Variants in MYO5B observed in about 807,000 individuals in gnomAD.
MYO5B encodes myosin VB, also known as unconventional myosin-Vb.
A neutral mutation model predicts 229.3 loss-of-function variants in MYO5B; 143 were observed. That is an observed-to-expected ratio of 0.62 (90% CI 0.54 to 0.72). The LOEUF (loss-of-function observed/expected upper bound fraction) is 0.72, where lower values mean the gene tolerates loss of function less well. MYO5B is among the 30% of genes least tolerant of loss of function. MYO5B has a pLI of 0.00. For synonymous variants in MYO5B, 918 were observed against 885.2 expected, an observed-to-expected ratio of 1.04 and a Z score of -0.66; for missense variants, 2,321 against 2,331.0, an observed-to-expected ratio of 1.00 and a Z score of 0.09.
intron 4 of MYO5B, among the ~76,000 whole-genome samples, chr18:50,035,001 A>G (rs557479688): frequency 1.2e-4 from 19 of 152,310 alleles, no homozygotes; most frequent in Admixed American, 1.3e-4. Flanking sequence ...GCAAGACAGT[A>G]TCACACCCAT....
chr18:50,007,783 T>G (rs1190987504), intron 4 of MYO5B, among the ~76,000 whole-genome samples: 1 of 152,184 alleles, frequency 6.6e-6, no homozygotes, highest in Non-Finnish European at 1.5e-5. Context: ...TGCTGTTTAA[T>G]GTAATTAACT....
intron 1 of MYO5B, among the ~76,000 whole-genome samples, chr18:50,185,289 TAA>T (rs202116346): frequency 2.2e-5 from 3 of 139,076 alleles, no homozygotes; most frequent in African/African-American, 5.3e-5. Flanking sequence ...AATAAGAATT[TAA>T]AAAAAAAAAA....
In MYO5B at chr18:49,837,561, G is replaced by A. The variant is rs77840018; in HGVS notation, c.5094C>T (p.Leu1698=). 1.5e-5 allele frequency: 23 copies of A among 1,506,660 alleles called. No individual in the cohort carries two copies. Among genetic ancestry groups the A allele is most frequent in the Admixed American group, 1.1e-4 (6 of 56,174 alleles). 93.3% of individuals were successfully genotyped at this position (1,506,660 alleles called of 1,614,324 possible). The change falls in exon 37 of 40, where the codon CTC becomes CTT. Residue 1698 remains leucine (L), a synonymous_variant. Coordinates refer to ENST00000285039, the MANE Select transcript of MYO5B (RefSeq NM_001080467.3). ...MINAVTLNNL[L]LRKDVCSWST... is the part of the protein sequence containing the mutation. ...TCCAAGAGCAGACGTCCTTCCGCAA[G>A]AGCAGGTTGTTAAGAGTCACTGCGT...
intron 1 of MYO5B, among the ~76,000 whole-genome samples, chr18:50,188,945 ATGGTGAAGCAGGATCCAC>A (rs1156578181): frequency 6.6e-6 from 1 of 152,212 alleles, no homozygotes; most frequent in Non-Finnish European, 1.5e-5. Flanking sequence ...GATCGCCAAC[ATGGTGAAGCAGGATCCAC>A]TGGGCTTATA....
At chr18:50,024,675 G>T (rs2026311878) in intron 4 of MYO5B, among the ~76,000 whole-genome samples, 1 of 152,276 alleles carries the variant, frequency 6.6e-6, no homozygotes, top group East Asian at 1.9e-4. Flanking sequence ...AAAGGCATTT[G>T]CTTTTAAGCC....
At chr18:49,877,539 G>C (rs912998336) in intron 25 of MYO5B, among the ~76,000 whole-genome samples, 3 of 152,030 alleles carry the variant, frequency 2.0e-5, no homozygotes, top group South Asian at 2.1e-4. Flanking sequence ...TTCTGGATAG[G>C]GTGTAAGGTG....
intron 33 of MYO5B, among the ~76,000 whole-genome samples, chr18:49,843,887 G>T (rs2024093530): frequency 2.0e-5 from 3 of 152,230 alleles, no homozygotes. Flanking sequence ...GCCTGCTGAG[G>T]GCTAGGGAGG....
intron 2 of MYO5B, among the ~76,000 whole-genome samples, chr18:50,043,641 ATATT>A (rs957386892): frequency 4.4e-5 from 6 of 136,892 alleles, no homozygotes; most frequent in African/African-American, 1.3e-4. Context: ...TATATTAAAT[ATATT>A]TATAAATATG....
intron 4 of MYO5B, among the ~76,000 whole-genome samples, chr18:50,006,597 C>T (rs761287387): frequency 1.1e-4 from 17 of 152,230 alleles, no homozygotes; most frequent in Non-Finnish European, 2.5e-4. Flanking sequence ...CACTGGCCCC[C>T]CCTTCTGTGA....
chr18:49,936,459 T>C, intron 15 of MYO5B, 110 bp from the exon 16 acceptor site: 2 of 841,184 alleles, frequency 2.4e-6, no homozygotes, highest in South Asian at 2.9e-5. Context: ...ATATTATTAA[T>C]CCAGAAGGAT....
In MYO5B at chr18:49,996,179, T is replaced by C. The variant is rs192427142; in HGVS notation, c.613-3748A>G. Among the ~76,000 whole-genome samples, 31 of 152,344 alleles carry C rather than the reference T, an allele frequency of 2.0e-4. No individual in the cohort carries two copies. In the East Asian group the frequency reaches 3.7e-3, roughly 18 times the overall value. ...AGGTCTAAAGATCACTGCCAAAAGA[T>C]TGGCCCTCCTTACTTTACTAGGCTA... On this transcript the variant is annotated intron_variant, in intron 5 of 39. Transcript: ENST00000285039.
Position 50,027,025 on chromosome 18 carries a change from G to A in MYO5B, c.455+9825C>T, listed in dbSNP as rs78476582. 5.3e-5 allele frequency among the ~76,000 whole-genome samples: 8 copies of A among 152,270 alleles called. No homozygotes were observed. In the East Asian group the frequency reaches 1.5e-3, roughly 29 times the overall value. On this transcript the variant is annotated intron_variant, in intron 4 of 39. Transcript: ENST00000285039. ...GCTGCAAAACTCAGGCCCATTGTCA[G>A]ACTAGGTTTTCAGCTGCTCTGTCTT...
chr18:50,074,753 C>T (rs986382064), intron 1 of MYO5B, among the ~76,000 whole-genome samples: 3 of 152,196 alleles, frequency 2.0e-5, no homozygotes, highest in Non-Finnish European at 4.4e-5. Context: ...CGATCAGGTT[C>T]ATCTCTTGCC....
chr18:50,153,729 C>T (rs1043226633), intron 1 of MYO5B, among the ~76,000 whole-genome samples: 40 of 152,288 alleles, frequency 2.6e-4, no homozygotes, highest in Admixed American at 2.4e-3. Flanking sequence ...GGATTACATG[C>T]GTGAGTCACT....
Position 49,904,790 on chromosome 18 carries a change from A to T in MYO5B, c.2453T>A (p.Val818Glu). The change falls in exon 20 of 40, where the codon GTG becomes GAG. Residue 818 changes from valine (V) to glutamate (E), a missense_variant. This residue lies in a region of MYO5B where 2,113 missense variants were observed against 2,044.7 expected (regional missense o/e 1.03). Coordinates refer to ENST00000285039, the MANE Select transcript of MYO5B (RefSeq NM_001080467.3). Reference protein sequence around the residue: ...EHLRRIRAAVVLQKHYRMQRA... With the variant: ...EHLRRIRAAVELQKHYRMQRA... The stretch of plus-strand genomic sequence containing the variant: ...CTGCATGCGGTAATGTTTCTGGAGC[A>T]CCACAGCCGCTCTGATCCTCCGCAG... 1 of 1,613,706 alleles carries T rather than the reference A, an allele frequency of 6.2e-7. No individual in the cohort carries two copies. The highest frequency in any genetic ancestry group is 1.1e-5 in the South Asian group (1 of 91,086).
chr18:49,927,467 C>G (rs955422375), intron 17 of MYO5B, among the ~76,000 whole-genome samples: 10 of 151,966 alleles, frequency 6.6e-5, no homozygotes, highest in African/African-American at 2.4e-4. Context: ...AAACCCAAAT[C>G]TGGACACAAT....
intron 20 of MYO5B, among the ~76,000 whole-genome samples, chr18:49,904,381 G>A (rs2024875912): frequency 6.6e-6 from 1 of 152,122 alleles, no homozygotes; most frequent in South Asian, 2.1e-4. Flanking sequence ...AGAAGCAGAT[G>A]TTCAATTGTG....
chr18:50,146,399 C>T (rs567786719), intron 1 of MYO5B, among the ~76,000 whole-genome samples: 3 of 152,336 alleles, frequency 2.0e-5, no homozygotes, highest in African/African-American at 7.2e-5. Context: ...GGAGCCTTCC[C>T]TCAAGATGAC....
At position 49,841,085 on chromosome 18, in the gene MYO5B, C is replaced by T. The variant is rs551889468; in HGVS notation, c.4701+280G>A. ...AGGTTACAAGAGTTTCATGGAGACTCCCAGGGCCTCTATTGATCATGGGTT... is the reference window on the plus strand; with the variant it reads ...AGGTTACAAGAGTTTCATGGAGACTTCCAGGGCCTCTATTGATCATGGGTT... On this transcript the variant is annotated intron_variant, in intron 35 of 39. Coordinates refer to ENST00000285039, the MANE Select transcript of MYO5B (RefSeq NM_001080467.3). Among the ~76,000 whole-genome samples, 5 of 152,310 alleles carry T rather than the reference C, an allele frequency of 3.3e-5. 1 individual carries two copies. In the South Asian group the frequency reaches 1.0e-3, roughly 32 times the overall value.
Sources: gnomAD v4.1 joint callset for allele counts (sites outside exome capture counted in the v4.1 genomes callset) on GRCh38, gnomAD v4.1.1 for gene constraint, gnomAD v4.1.1 regional missense constraint, MANE v1.5 for transcripts, NCBI Gene and HGNC (gene_info 2026-07-23, HGNC 2026-07-21) for gene names.